The following ADSS2 variants were observed in gnomAD, a reference collection of about 807,000 sequenced individuals.
ADSS2 encodes the protein adenylosuccinate synthetase isozyme 2.
ADSS2 carries 30 observed loss-of-function variants against 60.0 expected under a neutral mutation model. The observed-to-expected ratio is 0.50, with a 90% CI of 0.37 to 0.68. ADSS2 has a LOEUF of 0.68. Among genes scored for constraint, ADSS2 ranks in the 30% least tolerant of loss-of-function variants. The probability of loss-of-function intolerance (pLI) is 0.00; values close to 1 mark genes in which losing one functional copy is unlikely to be tolerated. For synonymous variants in ADSS2, 187 were observed against 193.1 expected (o/e 0.97, Z 0.26); for missense variants, 373 against 554.8 (o/e 0.67, Z 3.29).
At position 244,439,698 on chromosome 1, in the gene ADSS2, A is replaced by C. The variant is rs143078626; in HGVS notation, c.184-1930T>G. On this transcript the variant is annotated intron_variant, in intron 1 of 12. Transcript: ENST00000366535. The stretch of plus-strand genomic sequence containing the variant: ...ATGCCCCCCAAGTCCACTGGCTCCA[A>C]GTCCAGCACAACACCAGGACTTGCC... Among the ~76,000 whole-genome samples, 34 of 152,304 alleles carry C rather than the reference A, an allele frequency of 2.2e-4. No homozygotes were observed. The East Asian group carries it at 6.6e-3, about 29-fold the overall frequency.
intron 10 of ADSS2, among the ~76,000 whole-genome samples, chr1:244,417,308 C>G (rs898101354): frequency 6.6e-6 from 1 of 152,140 alleles, no homozygotes; most frequent in Non-Finnish European, 1.5e-5. Context: ...CATCGCCTCC[C>G]GGCTGTACAT....
At chr1:244,442,996 A>AT (rs1665285194) in intron 1 of ADSS2, among the ~76,000 whole-genome samples, 1 of 152,142 alleles carries the variant, frequency 6.6e-6, no homozygotes, top group Non-Finnish European at 1.5e-5. Flanking sequence ...CCACCTATGT[A>AT]TTAGAAGGGC....
Position 244,430,194 on chromosome 1 carries a change from A to T in ADSS2, c.406+2351T>A, listed in dbSNP as rs1664906050. 2.0e-5 allele frequency among the ~76,000 whole-genome samples: 3 copies of T among 152,158 alleles called. No homozygotes were observed. The East Asian group carries it at 5.8e-4, about 29-fold the overall frequency. ...GGTTAAACCACATTACTTTCCTTTT[A>T]CTCTAGGCCTTTTGACCCCTTCCCA... On this transcript the variant is annotated intron_variant, in intron 4 of 12. Coordinates refer to ENST00000366535, the MANE Select transcript of ADSS2 (RefSeq NM_001126.5).
intron 1 of ADSS2, among the ~76,000 whole-genome samples, chr1:244,440,330 G>A (rs1210061165): frequency 6.6e-6 from 1 of 151,914 alleles, no homozygotes; most frequent in Non-Finnish European, 1.5e-5. Context: ...AGAAAAATAG[G>A]CCCTGCTAAA....
At chr1:244,446,243 C>T (rs1665381994) in intron 1 of ADSS2, among the ~76,000 whole-genome samples, 2 of 152,208 alleles carry the variant, frequency 1.3e-5, no homozygotes, top group South Asian at 4.1e-4. Flanking sequence ...TTCACCAAAA[C>T]TAAAGCACTT....
chr1:244,447,317 T>C (rs1241605484), intron 1 of ADSS2, among the ~76,000 whole-genome samples: 1 of 152,208 alleles, frequency 6.6e-6, no homozygotes, highest in Non-Finnish European at 1.5e-5. Context: ...AGATTTGCTC[T>C]AGGCAACAGT....
intron 11 of ADSS2, among the ~76,000 whole-genome samples, chr1:244,413,242 A>C (rs995149144): frequency 1.8e-4 from 27 of 152,340 alleles, no homozygotes; most frequent in Middle Eastern, 3.4e-3. Context: ...ACTGCTAGGA[A>C]TGCTCTTGGA....
Position 244,451,778 on chromosome 1 carries a change from G to A in ADSS2, c.40C>T (p.Pro14Ser). 1 of 1,599,110 alleles carries A rather than the reference G, an allele frequency of 6.3e-7. No homozygotes were observed. Among genetic ancestry groups the A allele is most frequent in the East Asian group, 2.3e-5 (1 of 44,154 alleles). ...CTGGGGCGGCCGCAATCGCCGTTGG[G>A]CAGGGAGGATGCCGCCGGGTAGGTC... is the stretch of plus-strand genomic sequence containing the variant. ...AETYPAASSL[P>S]NGDCGRPRAR... The change falls in exon 1 of 13, where the codon CCC becomes TCC. Residue 14 changes from proline to serine, a missense_variant. Coordinates refer to ENST00000366535, the MANE Select transcript of ADSS2 (RefSeq NM_001126.5). The surrounding 1 kb of genome is among the most constrained non-coding windows in gnomAD (Gnocchi z 6.6).
intron 1 of ADSS2, among the ~76,000 whole-genome samples, chr1:244,444,330 A>G (rs1665327671): frequency 6.6e-6 from 1 of 150,450 alleles, no homozygotes; most frequent in African/African-American, 2.5e-5. Context: ...CCCGGCTAAA[A>G]CGGTGAAACC....
chr1:244,432,427 C>A (rs2148004251), intron 4 of ADSS2, 118 bp downstream of exon 4: 1 of 722,772 alleles, frequency 1.4e-6, no homozygotes. Flanking sequence ...TCAATTACTA[C>A]AATCCATCCT....
intron 11 of ADSS2, among the ~76,000 whole-genome samples, chr1:244,414,197 A>G (rs2147987734): frequency 6.6e-6 from 1 of 152,272 alleles, no homozygotes; most frequent in African/African-American, 2.4e-5. Flanking sequence ...TCAACCAATG[A>G]CTATCAATCA....
At chr1:244,436,664 ACT>A (rs1665109211) in intron 3 of ADSS2, among the ~76,000 whole-genome samples, 159 bp downstream of exon 3, 1 of 152,238 alleles carries the variant, frequency 6.6e-6, no homozygotes, top group African/African-American at 2.4e-5. Flanking sequence ...TGTTTAAAAC[ACT>A]GTTTATAATG....
chr1:244,435,244 C>T (rs1665067314), intron 3 of ADSS2, among the ~76,000 whole-genome samples: 1 of 141,764 alleles, frequency 7.1e-6, no homozygotes, highest in Non-Finnish European at 1.5e-5. Context: ...TAAATGTGAG[C>T]TAATTCAAGG....
intron 1 of ADSS2, among the ~76,000 whole-genome samples, chr1:244,440,476 A>G (rs906937685): frequency 6.6e-6 from 1 of 152,226 alleles, no homozygotes; most frequent in African/African-American, 2.4e-5. Flanking sequence ...TGTAAGACAC[A>G]CTTTGGAAAG....
intron 3 of ADSS2, 65 bp from the exon 4 acceptor site, chr1:244,432,660 CTTTTTTTT>C (rs532312490): frequency 2.5e-4 from 97 of 387,204 alleles, no homozygotes; most frequent in African/African-American, 5.6e-4. Flanking sequence ...ATCTTAATTT[CTTTTTTTT>C]TTTTTTTTTT....
chr1:244,423,201 A>G (rs966193260), intron 6 of ADSS2, among the ~76,000 whole-genome samples: 5 of 152,176 alleles, frequency 3.3e-5, no homozygotes, highest in African/African-American at 1.2e-4. Flanking sequence ...AAATCTGTAA[A>G]CACAAAAGAC....
At chr1:244,415,857 A>G (rs1664516418) in intron 11 of ADSS2, 124 bp downstream of exon 11, 1 of 664,850 alleles carries the variant, frequency 1.5e-6, no homozygotes, top group African/African-American at 1.8e-5. Context: ...GCAAATTTGC[A>G]CTAATCATAA....
In ADSS2 at chr1:244,417,756, C is replaced by G. The variant is rs1452940456; in HGVS notation, c.946-4G>C. ...TTTGTAATAATTCTCCAATTTCCTA[C>G]AGAACAGAAAATTGAACTTTAGGAT... On this transcript the variant is annotated splice_region_variant and splice_polypyrimidine_tract_variant and intron_variant, in intron 9 of 12. Transcript: ENST00000366535. The G allele has an allele frequency of 1.9e-6, 3 of 1,612,546 alleles. No homozygotes were observed. The South Asian group carries it at 3.3e-5, about 18-fold the overall frequency.
At chr1:244,445,765 G>A (rs759089900) in intron 1 of ADSS2, among the ~76,000 whole-genome samples, 5 of 151,918 alleles carry the variant, frequency 3.3e-5, no homozygotes, top group African/African-American at 1.2e-4. Context: ...TCCTTTCTTC[G>A]CTCCCCCAAG....
Sources: gnomAD v4.1 joint callset for allele counts (sites outside exome capture counted in the v4.1 genomes callset) on GRCh38, gnomAD v4.1.1 for gene constraint, Gnocchi (gnomAD v3.1) non-coding constraint, MANE v1.5 for transcripts, NCBI Gene and HGNC (gene_info 2026-07-23, HGNC 2026-07-21) for gene names.